ATRNL1: variants seen among roughly 807,000 people sequenced by gnomAD.
The protein encoded by ATRNL1 is attractin-like protein 1.
A neutral mutation model predicts 182.7 loss-of-function variants in ATRNL1; 95 were observed. The observed-to-expected ratio is 0.52, with a 90% CI of 0.44 to 0.62. The LOEUF (loss-of-function observed/expected upper bound fraction) is 0.62, where lower values mean the gene tolerates loss of function less well. Among genes scored for constraint, ATRNL1 ranks in the 20% least tolerant of loss-of-function variants. The pLI is 0.00. For synonymous variants in ATRNL1, 576 were observed against 568.3 expected, an observed-to-expected ratio of 1.01 and a Z score of -0.19; for missense variants, 1,471 against 1,679.5, an observed-to-expected ratio of 0.88 and a Z score of 2.17.
chr10:115,598,808 A>G (rs782605159), intron 26 of ATRNL1, among the ~76,000 whole-genome samples: 8 of 152,154 alleles, frequency 5.3e-5, no homozygotes, highest in Non-Finnish European at 1.0e-4. Context: ...CCCATATTTA[A>G]TCTGTTTTAA....
At chr10:115,562,799 T>A (rs1247230919) in intron 26 of ATRNL1, among the ~76,000 whole-genome samples, 1 of 152,208 alleles carries the variant, frequency 6.6e-6, no homozygotes, top group Non-Finnish European at 1.5e-5. Context: ...TGTGAGTCAA[T>A]TAAGCCGCTT....
At chr10:115,769,235 T>G (rs1948929119) in intron 27 of ATRNL1, among the ~76,000 whole-genome samples, 2 of 152,142 alleles carry the variant, frequency 1.3e-5, no homozygotes, top group Admixed American at 6.5e-5. Context: ...AGAAACCGTA[T>G]AGGTTTCTTT....
intron 26 of ATRNL1, among the ~76,000 whole-genome samples, chr10:115,615,083 A>G (rs1857364125): frequency 6.6e-6 from 1 of 151,852 alleles, no homozygotes; most frequent in Non-Finnish European, 1.5e-5. Flanking sequence ...TTTTCTGATT[A>G]TTGTGTATAT....
chr10:115,127,707 C>T lies in ATRNL1; in HGVS notation c.606C>T (p.Phe202=). The change falls in exon 4 of 29, where the codon TTC becomes TTT. Residue 202 remains phenylalanine (F), a synonymous_variant. Transcript: ENST00000355044. ...ATGCTGCGTATAATCTAACTGGTTT[C>T]AACATTTTCTATTCGTAAGTATTTT... ...FSDAAYNLTG[F]NIFYSINSCP... is the part of the protein sequence containing the mutation. 2 of 1,454,842 alleles carry T rather than the reference C, an allele frequency of 1.4e-6. No individual in the cohort carries two copies. Among genetic ancestry groups the T allele is most frequent in the Non-Finnish European group, 1.8e-6 (2 of 1,098,994 alleles). 90.1% of individuals were successfully genotyped at this position (1,454,842 alleles called of 1,614,324 possible).
intron 26 of ATRNL1, among the ~76,000 whole-genome samples, chr10:115,711,367 A>G (rs973046129): frequency 6.6e-6 from 1 of 152,196 alleles, no homozygotes; most frequent in African/African-American, 2.4e-5. Context: ...TGCTTCTAAA[A>G]GGAAGAGAGG....
intron 27 of ATRNL1, among the ~76,000 whole-genome samples, chr10:115,794,505 A>G (rs1949604133): frequency 6.6e-6 from 1 of 152,304 alleles, no homozygotes; most frequent in East Asian, 1.9e-4. Flanking sequence ...TCAGTATACA[A>G]CAGTTTCACA....
rs537805369 is a variant in ATRNL1 at position 115,369,102 on chromosome 10, A to G, written c.3176-25557A>G. ...CTGGCTTATTTTCACATAAAATAAT[A>G]TCCTCTAGGTTAATCCATGTTGTTG... is the stretch of plus-strand genomic sequence containing the variant. On this transcript the variant is annotated intron_variant, in intron 19 of 28. Transcript: ENST00000355044. Among the ~76,000 whole-genome samples the G allele has an allele frequency of 1.8e-4, 28 of 152,240 alleles. No individual in the cohort carries two copies. The South Asian group carries it at 5.8e-3, about 32-fold the overall frequency.
At chr10:115,717,548 C>CTTT (rs61386440) in intron 26 of ATRNL1, among the ~76,000 whole-genome samples, 1,961 of 84,302 alleles carry the variant, frequency 0.023, 191 homozygotes, top group African/African-American at 0.07. Context: ...CTGAAATGTT[C>CTTT]TTTTTTTTTT....
rs545470683 is a variant in ATRNL1 at position 115,174,738 on chromosome 10, A to G, written c.1348+3446A>G. Among the ~76,000 whole-genome samples the G allele has an allele frequency of 1.8e-3, 280 of 152,104 alleles. 1 individual carries two copies. The highest frequency in any genetic ancestry group is 6.4e-3 in the African/African-American group (267 of 41,566). On this transcript the variant is annotated intron_variant, in intron 8 of 28. Transcript: ENST00000355044. ...TCAATAAAAATTTATTTACAAAAAC[A>G]GGTGGTGGGCTAGATTTAGCCTTTG...
chr10:115,728,163 C>T (rs1450844828), intron 27 of ATRNL1, among the ~76,000 whole-genome samples: 4 of 145,192 alleles, frequency 2.8e-5, no homozygotes, highest in Non-Finnish European at 4.5e-5. Flanking sequence ...GGCGTGGTGG[C>T]AGGCACCTGT....
chr10:115,289,171 C>G (rs1432474120), intron 15 of ATRNL1, among the ~76,000 whole-genome samples: 2 of 151,986 alleles, frequency 1.3e-5, no homozygotes, highest in African/African-American at 4.8e-5. Context: ...TTTTTAAAAC[C>G]ATCAGATCTT....
At chr10:115,622,755 G>A (rs915464751) in intron 26 of ATRNL1, among the ~76,000 whole-genome samples, 2 of 152,024 alleles carry the variant, frequency 1.3e-5, no homozygotes, top group African/African-American at 2.4e-5. Flanking sequence ...GTGAAACCCC[G>A]TCTCTACTAA....
rs1554946175 is a variant in ATRNL1 at position 115,367,014 on chromosome 10, G to A, written c.3176-27645G>A. ...TATGTGTCTTGGAGTTGCTCTTCTC[G>A]AGGAGTATCTTTGTGGCGTTCTCTG... On this transcript the variant is annotated intron_variant, in intron 19 of 28. Transcript: ENST00000355044. 2.0e-4 allele frequency among the ~76,000 whole-genome samples: 27 copies of A among 133,212 alleles called. 1 individual carries two copies. Among genetic ancestry groups the A allele is most frequent in the South Asian group, 2.5e-4 (1 of 4,024 alleles). 87.4% of individuals were successfully genotyped at this position (133,212 alleles called of 152,430 possible). A position where few individuals can be genotyped will look rare whatever the true frequency, so the allele number is the denominator to read the frequency against.
intron 5 of ATRNL1, among the ~76,000 whole-genome samples, chr10:115,141,029 A>G (rs1554877872): frequency 6.6e-6 from 1 of 152,072 alleles, no homozygotes; most frequent in Non-Finnish European, 1.5e-5. Flanking sequence ...TTTTAAATTT[A>G]TATCATTTAT....
intron 24 of ATRNL1, among the ~76,000 whole-genome samples, chr10:115,484,826 GC>G (rs1440555926): frequency 6.6e-6 from 1 of 151,824 alleles, no homozygotes; most frequent in Non-Finnish European, 1.5e-5. Context: ...CTTTAAATTT[GC>G]TCTATCTATG....
chr10:115,834,775 G>A (rs1362237207), intron 27 of ATRNL1, among the ~76,000 whole-genome samples: 1 of 152,118 alleles, frequency 6.6e-6, no homozygotes, highest in Non-Finnish European at 1.5e-5. Flanking sequence ...TCAAGATAAT[G>A]AATTCTCCTC....
intron 26 of ATRNL1, among the ~76,000 whole-genome samples, chr10:115,620,633 A>C (rs1483979481): frequency 6.6e-6 from 1 of 152,220 alleles, no homozygotes; most frequent in African/African-American, 2.4e-5. Flanking sequence ...TGTGAACTAA[A>C]AGGCATTTGG....
At chr10:115,593,382 C>T (rs1219329912) in intron 26 of ATRNL1, among the ~76,000 whole-genome samples, 5 of 152,158 alleles carry the variant, frequency 3.3e-5, no homozygotes, top group Admixed American at 1.3e-4. Context: ...ATGGTATTGG[C>T]ACAAAAGCAG....
chr10:115,225,513 G>T (rs977986434), intron 9 of ATRNL1, among the ~76,000 whole-genome samples: 9 of 66,306 alleles, frequency 1.4e-4, no homozygotes, highest in African/African-American at 2.2e-4. Flanking sequence ...ATATGTATAT[G>T]GGTAATCAGT....
Sources: allele counts gnomAD v4.1 joint callset (sites outside exome capture counted in the v4.1 genomes callset), GRCh38; gene constraint gnomAD v4.1.1; transcripts MANE v1.5; gene names NCBI Gene and HGNC (gene_info 2026-07-23, HGNC 2026-07-21).